The following CA7 variants were observed in gnomAD, a reference collection of about 807,000 sequenced individuals.
CA7 encodes carbonate dehydratase VII.
In CA7, 13 loss-of-function variants were observed where a neutral mutation model predicts 31.4. The observed-to-expected ratio is 0.41, with a 90% CI of 0.27 to 0.66. CA7 has a LOEUF of 0.66. Ranked by LOEUF, CA7 falls within the 30% of genes least tolerant of loss-of-function variation. The pLI is 0.28. For synonymous variants in CA7, 128 were observed against 133.2 expected, an observed-to-expected ratio of 0.96 and a Z score of 0.27; for missense variants, 215 against 351.0, an observed-to-expected ratio of 0.61 and a Z score of 3.10.
In CA7 at chr16:66,844,464, C is replaced by T; in HGVS notation, c.-24C>T. The T allele has an allele frequency of 6.5e-7, 1 of 1,537,498 alleles. No individual in the cohort carries two copies. The highest frequency in any genetic ancestry group is 8.8e-7 in the Non-Finnish European group (1 of 1,141,456). Reference sequence around the variant, plus strand: ...GCGGACCGAGCCGACCGGGCAGGTGCACGGCTGCGGGGACGGCAGCGGCAT... The same window carrying T: ...GCGGACCGAGCCGACCGGGCAGGTGTACGGCTGCGGGGACGGCAGCGGCAT... On this transcript the variant is annotated 5_prime_UTR_variant, in exon 1 of 7. Transcript: ENST00000338437.
chr16:66,851,519 A>C lies in CA7; in HGVS notation c.414A>C (p.Ser138=). The C allele has an allele frequency of 6.2e-7, 1 of 1,614,128 alleles. No individual in the cohort carries two copies. Among genetic ancestry groups the C allele is most frequent in the African/African-American group, 1.3e-5 (1 of 75,042 alleles). ...ACAGCACTTTTGGGGAGGCGGCCTC[A>C]GCACCTGATGGCCTGGCTGTGGTTG... The part of the protein sequence containing the change: ...KKYSTFGEAA[S]APDGLAVVGV... Residue 138 remains serine (S), a synonymous_variant, in exon 4 of 7, where the codon TCA becomes TCC. Transcript: ENST00000338437.
Position 66,851,505 on chromosome 16 carries a change from G to C in CA7, c.400G>C (p.Gly134Arg). 1 of 1,614,124 alleles carries C rather than the reference G, an allele frequency of 6.2e-7. No individual in the cohort carries two copies. The highest frequency in any genetic ancestry group is 8.5e-7 in the Non-Finnish European group (1 of 1,180,016). ...GAATGCCAAGAAGTACAGCACTTTTGGGGAGGCGGCCTCAGCACCTGATGG... is the reference window on the plus strand; with the variant it reads ...GAATGCCAAGAAGTACAGCACTTTTCGGGAGGCGGCCTCAGCACCTGATGG... ...HWNAKKYSTF[G>R]EAASAPDGLA... The change falls in exon 4 of 7, where the codon GGG (glycine) becomes CGG (arginine). Residue 134 changes from glycine to arginine, a missense_variant. Gly to Arg is a moderately radical substitution (Grantham distance 125). Transcript: ENST00000338437.
At chr16:66,852,959 G>A in intron 6 of CA7, 92 bp downstream of exon 6, 1 of 1,164,354 alleles carries the variant, frequency 8.6e-7, no homozygotes, top group Non-Finnish European at 1.2e-6. Flanking sequence ...CACAGCCCGT[G>A]ATCCCACCTT....
chr16:66,853,499 G>C lies in CA7; in HGVS notation c.*1G>C. 6.2e-7 allele frequency: 1 copy of C among 1,613,866 alleles called. No individual in the cohort carries two copies. Among genetic ancestry groups the C allele is most frequent in the Non-Finnish European group, 8.5e-7 (1 of 1,179,996 alleles). On this transcript the variant is annotated 3_prime_UTR_variant, in exon 7 of 7. Transcript: ENST00000338437. The surrounding 1 kb of genome is among the most constrained non-coding windows in gnomAD (Gnocchi z 4.5). ...GGTAAAGGCCTCCTTCCGGGCCTGA[G>C]CTGCCCATCTGCCTAGCCGGCCACT...
intron 2 of CA7, among the ~76,000 whole-genome samples, chr16:66,847,896 T>C (rs1286352452): frequency 6.6e-6 from 1 of 152,208 alleles, no homozygotes; most frequent in African/African-American, 2.4e-5. Context: ...CCAGATTCTT[T>C]CATGATAAAT....
At chr16:66,847,974 A>C (rs866695107) in intron 2 of CA7, among the ~76,000 whole-genome samples, 10 of 152,166 alleles carry the variant, frequency 6.6e-5, no homozygotes, top group African/African-American at 2.4e-4. Flanking sequence ...GACTGGGTAG[A>C]GTGGTGGAAT....
At chr16:66,846,885 G>C (rs1960939401) in intron 1 of CA7, 145 bp from the exon 2 acceptor site, 1 of 655,062 alleles carries the variant, frequency 1.5e-6, no homozygotes, top group African/African-American at 1.8e-5. Flanking sequence ...GGCAAAGCTG[G>C]GATTGGAACT....
At chr16:66,849,845 A>G (rs1214802600) in intron 2 of CA7, among the ~76,000 whole-genome samples, 1 of 152,160 alleles carries the variant, frequency 6.6e-6, no homozygotes, top group Non-Finnish European at 1.5e-5. Flanking sequence ...AGCCCAGTGA[A>G]TTTTCCAAAT....
intron 2 of CA7, among the ~76,000 whole-genome samples, chr16:66,849,025 G>A (rs456338): frequency 0.31 from 47,028 of 151,856 alleles, 8,457 homozygotes; most frequent in East Asian, 0.59. Flanking sequence ...TGCTTAAGGA[G>A]GCCACAGGGC....
At chr16:66,849,184 G>C (rs1960987361) in intron 2 of CA7, among the ~76,000 whole-genome samples, 1 of 152,144 alleles carries the variant, frequency 6.6e-6, no homozygotes, top group African/African-American at 2.4e-5. Context: ...TCAGTCCCAG[G>C]AGGCCTCGTG....
rs756416928 is a variant in CA7, at chr16:66,847,277, T to C, written c.238+50T>C. 1.9e-6 allele frequency: 3 copies of C among 1,546,972 alleles called. No homozygotes were observed. The Admixed American group carries it at 5.1e-5, about 26-fold the overall frequency. On this transcript the variant is annotated intron_variant, in intron 2 of 6. Coordinates refer to ENST00000338437, the MANE Select transcript of CA7 (RefSeq NM_005182.3). The stretch of plus-strand genomic sequence containing the variant: ...GCACCTGGCCCCTGGCCCCTTAGGG[T>C]CCTAACCTTGTGTTGGGCAGTCTCA...
chr16:66,853,460 C>G lies in CA7; in HGVS notation c.757C>G (p.Leu253Val). ...MVNNFRPPQP[L>V]KGRVVKASFR... Reference sequence around the variant, plus strand: ...GAACAACTTCCGGCCACCACAGCCACTGAAGGGCCGCGTGGTAAAGGCCTC... The same window carrying G: ...GAACAACTTCCGGCCACCACAGCCAGTGAAGGGCCGCGTGGTAAAGGCCTC... The change falls in exon 7 of 7, where the codon CTG becomes GTG. Residue 253 changes from leucine to valine, a missense_variant. Transcript: ENST00000338437. The surrounding 1 kb of genome is among the most constrained non-coding windows in gnomAD (Gnocchi z 4.5). 6.2e-7 allele frequency: 1 copy of G among 1,614,212 alleles called. No homozygotes were observed. The highest frequency in any genetic ancestry group is 8.5e-7 in the Non-Finnish European group (1 of 1,180,036).
At chr16:66,850,375 A>G (rs1454393173) in intron 2 of CA7, among the ~76,000 whole-genome samples, 166 bp from the exon 3 acceptor site, 1 of 151,988 alleles carries the variant, frequency 6.6e-6, no homozygotes, top group Non-Finnish European at 1.5e-5. Context: ...CAGGAGGTTG[A>G]GGCTATCATA....
At chr16:66,847,663 C>T (rs1457266649) in intron 2 of CA7, among the ~76,000 whole-genome samples, 1 of 152,198 alleles carries the variant, frequency 6.6e-6, no homozygotes, top group African/African-American at 2.4e-5. Flanking sequence ...TTGCTAAAGT[C>T]ACAAGCCGCT....
intron 5 of CA7, among the ~76,000 whole-genome samples, chr16:66,852,118 C>T (rs1350443314): frequency 6.6e-6 from 1 of 152,128 alleles, no homozygotes; most frequent in East Asian, 1.9e-4. Context: ...CAGACATTTG[C>T]TCACAATTTG....
chr16:66,848,104 C>G (rs1960965972), intron 2 of CA7, among the ~76,000 whole-genome samples: 1 of 152,104 alleles, frequency 6.6e-6, no homozygotes, highest in Admixed American at 6.6e-5. Context: ...ACTTAAGTTT[C>G]AAATGGAAAA....
At chr16:66,848,728 G>C (rs1209619611) in intron 2 of CA7, among the ~76,000 whole-genome samples, 1 of 152,214 alleles carries the variant, frequency 6.6e-6, no homozygotes, top group Non-Finnish European at 1.5e-5. Flanking sequence ...GTGTGAACTG[G>C]GGGAGGAGGC....
At position 66,852,830 on chromosome 16, in the gene CA7, T is replaced by C; in HGVS notation, c.635T>C (p.Ile212Thr). The change falls in exon 6 of 7, where the codon ATT (isoleucine) becomes ACT (threonine). Residue 212 changes from isoleucine to threonine, a missense_variant. By Grantham distance (89) the Ile-to-Thr change is moderately conservative. Transcript: ENST00000338437. Reference protein sequence around the residue: ...TPPLSESVTWIVLREPICISE... With the variant: ...TPPLSESVTWTVLREPICISE... Reference sequence around the variant, plus strand: ...CCACTCAGTGAGAGTGTCACCTGGATTGTGCTCCGGGAGCCCATCTGCATC... The same window carrying C: ...CCACTCAGTGAGAGTGTCACCTGGACTGTGCTCCGGGAGCCCATCTGCATC... 7 of 1,613,922 alleles carry C rather than the reference T, an allele frequency of 4.3e-6. No individual in the cohort carries two copies. Among genetic ancestry groups the C allele is most frequent in the Non-Finnish European group, 5.9e-6 (7 of 1,179,906 alleles).
chr16:66,845,308 G>C, intron 1 of CA7: 1 of 834,422 alleles, frequency 1.2e-6, no homozygotes, highest in Non-Finnish European at 1.4e-6. Context: ...CCAAGCAGGG[G>C]TGGGGGTGTG....
Sources: allele counts gnomAD v4.1 joint callset (sites outside exome capture counted in the v4.1 genomes callset), GRCh38; gene constraint gnomAD v4.1.1; non-coding constraint Gnocchi (gnomAD v3.1); transcripts MANE v1.5; gene names NCBI Gene and HGNC (gene_info 2026-07-23, HGNC 2026-07-21).